TNPO1: variants seen among roughly 807,000 people sequenced by gnomAD.
TNPO1 encodes transportin-1.
Under a neutral mutation model 119.5 loss-of-function variants are expected in TNPO1, and 8 were observed. That is an observed-to-expected ratio of 0.07 (90% CI 0.04 to 0.12). The LOEUF is 0.12. TNPO1 is among the 10% of genes least tolerant of loss of function. The probability of loss-of-function intolerance (pLI) is 1.00; values close to 1 mark genes in which losing one functional copy is unlikely to be tolerated. For missense variants in TNPO1, 576 were observed against 1,089.8 expected (o/e 0.53, Z 6.64); for synonymous variants, 362 against 363.0 (o/e 1.00, Z 0.03).
Position 72,883,050 on chromosome 5 carries a change from T to TA in TNPO1, c.982-7dup, listed in dbSNP as rs771672745. On this transcript the variant is annotated splice_polypyrimidine_tract_variant and intron_variant, in intron 10 of 24. Transcript: ENST00000337273. ...AATGAATGCCACCAAAAATTTCTCT[T>TA]AAAAAAACAACAGGGTGATGTTGAA... 13 of 1,606,412 alleles carry TA rather than the reference T, an allele frequency of 8.1e-6. No individual in the cohort carries two copies. The highest frequency in any genetic ancestry group is 1.1e-5 in the Non-Finnish European group (13 of 1,175,476).
intron 8 of TNPO1, among the ~76,000 whole-genome samples, chr5:72,876,272 G>T (rs766193587): frequency 2.6e-5 from 4 of 152,128 alleles, no homozygotes; most frequent in Non-Finnish European, 5.9e-5. Flanking sequence ...CATGTAATAG[G>T]GGTTGGCCTA....
chr5:72,910,533 A>G lies in TNPO1; in HGVS notation c.*1860A>G, dbSNP rs1750492563. 6.6e-6 allele frequency: 1 copy of G among 152,620 alleles called. No homozygotes were observed. The highest frequency in any genetic ancestry group is 2.4e-5 in the African/African-American group (1 of 41,476). 9.5% of individuals were successfully genotyped at this position (152,620 alleles called of 1,614,324 possible). ...ATGAAGCCACGCCTTTCCATTTTTCAATGCTGCATATTTAATCTGCAACAA... is the reference window on the plus strand; with the variant it reads ...ATGAAGCCACGCCTTTCCATTTTTCGATGCTGCATATTTAATCTGCAACAA... On this transcript the variant is annotated 3_prime_UTR_variant, in exon 25 of 25. Transcript: ENST00000337273.
intron 5 of TNPO1, among the ~76,000 whole-genome samples, chr5:72,864,546 G>T (rs998471582): frequency 6.6e-6 from 1 of 152,156 alleles, no homozygotes; most frequent in Admixed American, 6.5e-5. Flanking sequence ...AACAGATTTT[G>T]TCACCAGTTA....
chr5:72,898,182 A>G (rs1749572353), intron 20 of TNPO1, among the ~76,000 whole-genome samples: 1 of 152,156 alleles, frequency 6.6e-6, no homozygotes, highest in Non-Finnish European at 1.5e-5. Flanking sequence ...TGCAGTACCT[A>G]TACATGACAT....
In TNPO1 at chr5:72,816,729, G is replaced by T. The variant is rs200694972; in HGVS notation, c.-9G>T. On this transcript the variant is annotated 5_prime_UTR_variant, in exon 1 of 25. Transcript: ENST00000337273. Reference sequence around the variant, plus strand: ...TCGGCCGAAGGCCCGAGCGCCCGAGGCGTCTGGGATGGTGTGGGACCGGGT... The same window carrying T: ...TCGGCCGAAGGCCCGAGCGCCCGAGTCGTCTGGGATGGTGTGGGACCGGGT... The T allele has an allele frequency of 6.3e-7, 1 of 1,578,666 alleles. No homozygotes were observed. The highest frequency in any genetic ancestry group is 1.8e-5 in the Admixed American group (1 of 55,904).
At chr5:72,830,257 C>G (rs533908700) in intron 1 of TNPO1, among the ~76,000 whole-genome samples, 2 of 152,156 alleles carry the variant, frequency 1.3e-5, no homozygotes, top group African/African-American at 2.4e-5. Flanking sequence ...ATTTGTAAAG[C>G]AGAATATACA....
chr5:72,839,289 A>T (rs1029401935), intron 1 of TNPO1, among the ~76,000 whole-genome samples: 1 of 152,172 alleles, frequency 6.6e-6, no homozygotes, highest in Non-Finnish European at 1.5e-5. Flanking sequence ...TTTATGAATG[A>T]CTTAATATTG....
At chr5:72,864,202 T>A (rs1746709692) in intron 5 of TNPO1, among the ~76,000 whole-genome samples, 1 of 152,200 alleles carries the variant, frequency 6.6e-6, no homozygotes, top group Admixed American at 6.6e-5. Context: ...TCCTGATATT[T>A]AATGCATATT....
chr5:72,868,505 T>G (rs1393739846), intron 6 of TNPO1, among the ~76,000 whole-genome samples: 1 of 145,576 alleles, frequency 6.9e-6, no homozygotes, highest in Non-Finnish European at 1.5e-5. Context: ...ATGGGGTAGA[T>G]AAACATTCTG....
At chr5:72,906,074 C>T (rs1379288682) in intron 24 of TNPO1, among the ~76,000 whole-genome samples, 1 of 151,862 alleles carries the variant, frequency 6.6e-6, no homozygotes, top group African/African-American at 2.4e-5. Flanking sequence ...TTTCTTTTTT[C>T]CTGCAAGAAG....
chr5:72,817,256 C>T (rs1561286214), intron 1 of TNPO1, among the ~76,000 whole-genome samples: 2 of 152,200 alleles, frequency 1.3e-5, no homozygotes, highest in East Asian at 3.9e-4. Context: ...TTACATGCAG[C>T]TTGCCGTTCT....
At chr5:72,853,216 C>T (rs1428049424) in intron 3 of TNPO1, among the ~76,000 whole-genome samples, 1 of 152,058 alleles carries the variant, frequency 6.6e-6, no homozygotes, top group East Asian at 1.9e-4. Context: ...TTTGAGAGGC[C>T]AAAGCAGGAA....
At chr5:72,877,931 T>G (rs1000667447) in intron 9 of TNPO1, among the ~76,000 whole-genome samples, 4 of 152,182 alleles carry the variant, frequency 2.6e-5, no homozygotes, top group Admixed American at 6.5e-5. Flanking sequence ...GAGAAGGAAT[T>G]TGATTTAATA....
intron 6 of TNPO1, among the ~76,000 whole-genome samples, chr5:72,867,018 T>C (rs1746957025): frequency 1.3e-5 from 2 of 151,940 alleles, no homozygotes; most frequent in Admixed American, 1.3e-4. Flanking sequence ...CTACAAAAAA[T>C]AAGTTTAAAA....
chr5:72,868,482 T>A (rs1397378396), intron 6 of TNPO1, among the ~76,000 whole-genome samples: 1 of 147,488 alleles, frequency 6.8e-6, no homozygotes, highest in Non-Finnish European at 1.5e-5. Flanking sequence ...TATCAGGCAT[T>A]TGTGGGTGTG....
chr5:72,857,714 TTG>T (rs1746115184), intron 4 of TNPO1, among the ~76,000 whole-genome samples: 1 of 152,208 alleles, frequency 6.6e-6, no homozygotes, highest in Admixed American at 6.5e-5. Flanking sequence ...AGTTATGAGA[TTG>T]TTTCTTCCTA....
intron 4 of TNPO1, among the ~76,000 whole-genome samples, chr5:72,861,067 A>G (rs924106539): frequency 6.6e-6 from 1 of 151,858 alleles, no homozygotes; most frequent in Non-Finnish European, 1.5e-5. Context: ...CATGCACCAC[A>G]TGCCCGGCTA....
chr5:72,877,198 T>C, intron 8 of TNPO1, 30 bp from the exon 9 acceptor site: 1 of 1,275,492 alleles, frequency 7.8e-7, no homozygotes, highest in East Asian at 2.4e-5. Flanking sequence ...ATTTTTAAAC[T>C]GACTAATATT....
At chr5:72,889,643 A>G in intron 13 of TNPO1, 143 bp from the exon 14 acceptor site, 1 of 746,076 alleles carries the variant, frequency 1.3e-6, no homozygotes, top group East Asian at 2.8e-5. Flanking sequence ...CACAGTGCTG[A>G]TGACCAGGGC....
Sources: allele counts gnomAD v4.1 joint callset (sites outside exome capture counted in the v4.1 genomes callset), GRCh38; gene constraint gnomAD v4.1.1; transcripts MANE v1.5; gene names NCBI Gene and HGNC (gene_info 2026-07-23, HGNC 2026-07-21).